The following LRP1B variants were observed in gnomAD, a reference collection of about 807,000 sequenced individuals.
LRP1B encodes the protein LDL receptor related protein 1B.
LRP1B carries 217 observed loss-of-function variants against 556.6 expected under a neutral mutation model. That is an observed-to-expected ratio of 0.39 (90% CI 0.35 to 0.44). The LOEUF is 0.44. LRP1B is among the 20% of genes least tolerant of loss of function. The probability of loss-of-function intolerance (pLI) is 1.00; values close to 1 mark genes in which losing one functional copy is unlikely to be tolerated. For synonymous variants in LRP1B, 2,047 were observed against 1,865.8 expected, an observed-to-expected ratio of 1.10 and a Z score of -2.50; for missense variants, 5,053 against 5,620.8, an observed-to-expected ratio of 0.90 and a Z score of 3.23.
chr2:142,040,008 A>G (rs1704010992), intron 1 of LRP1B, among the ~76,000 whole-genome samples: 1 of 151,478 alleles, frequency 6.6e-6, no homozygotes, highest in African/African-American at 2.4e-5. Context: ...TCAGGCTATT[A>G]TAATCCATTA....
chr2:140,400,234 C>T (rs1466638114), intron 66 of LRP1B, among the ~76,000 whole-genome samples: 1 of 152,182 alleles, frequency 6.6e-6, no homozygotes, highest in East Asian at 1.9e-4. Flanking sequence ...ATCTGGAAGT[C>T]CCCATCAGGC....
At chr2:141,059,643 T>G (rs1699283360) in intron 8 of LRP1B, among the ~76,000 whole-genome samples, 1 of 151,840 alleles carries the variant, frequency 6.6e-6, no homozygotes. Context: ...ACTCAGAAAT[T>G]TCATTATTTC....
chr2:140,263,639 A>G lies in LRP1B; in HGVS notation c.13247+6603T>C, dbSNP rs147162325. ...ATCGCTTGCAGTTTCTACCTTCCAC[A>G]AAACACTAGACAGAACAGAGTTCAG... is the stretch of plus-strand genomic sequence containing the variant. On this transcript the variant is annotated intron_variant, in intron 86 of 90. Transcript: ENST00000389484. Among the ~76,000 whole-genome samples, 353 of 152,202 alleles carry G rather than the reference A, an allele frequency of 2.3e-3. 9 individuals carry two copies. In the East Asian group the frequency reaches 0.056, roughly 24 times the overall value.
intron 2 of LRP1B, among the ~76,000 whole-genome samples, chr2:141,509,597 C>T (rs1478980408): frequency 6.6e-6 from 1 of 151,998 alleles, no homozygotes; most frequent in Non-Finnish European, 1.5e-5. Context: ...AAATGCCTTC[C>T]AAGTCAAACT....
intron 6 of LRP1B, among the ~76,000 whole-genome samples, chr2:141,212,248 GATTTTTTTTTTTTT>G (rs1682589735): frequency 4.1e-5 from 2 of 48,644 alleles, no homozygotes; most frequent in African/African-American, 1.6e-4. Flanking sequence ...AAAAAGTCTA[GATTTTTTTTTTTTT>G]TTTTTTTTTT....
At chr2:141,343,990 G>A (rs117201861) in intron 3 of LRP1B, among the ~76,000 whole-genome samples, 1 of 152,172 alleles carries the variant, frequency 6.6e-6, no homozygotes, top group East Asian at 1.9e-4. Flanking sequence ...CCATGCCACA[G>A]TCTGGAAGAT....
chr2:141,757,307 C>A (rs375291656), intron 2 of LRP1B, among the ~76,000 whole-genome samples: 13 of 152,264 alleles, frequency 8.5e-5, no homozygotes, highest in African/African-American at 3.1e-4. Context: ...CCTTGCTATT[C>A]TGACTGGTTC....
chr2:141,701,436 A>T (rs1034283748), intron 2 of LRP1B, among the ~76,000 whole-genome samples: 2 of 151,904 alleles, frequency 1.3e-5, no homozygotes, highest in Non-Finnish European at 1.5e-5. Flanking sequence ...CCCTTCTAGG[A>T]AATCATTCCA....
intron 67 of LRP1B, among the ~76,000 whole-genome samples, chr2:140,383,559 A>G (rs1003951269): frequency 2.6e-5 from 4 of 152,142 alleles, no homozygotes; most frequent in Non-Finnish European, 5.9e-5. Flanking sequence ...AGTATCTTCA[A>G]GCCCTATTCA....
intron 1 of LRP1B, among the ~76,000 whole-genome samples, chr2:141,974,261 G>A (rs908566057): frequency 1.5e-4 from 23 of 152,098 alleles, no homozygotes; most frequent in African/African-American, 5.5e-4. Context: ...TAGGATCTGA[G>A]ACCCTCTACT....
chr2:140,972,317 C>T (rs1256436987), intron 18 of LRP1B, among the ~76,000 whole-genome samples: 3 of 152,098 alleles, frequency 2.0e-5, no homozygotes, highest in Non-Finnish European at 4.4e-5. Flanking sequence ...AATAAATCTA[C>T]AGGACATAAG....
At chr2:140,953,969 C>T (rs1037175629) in intron 18 of LRP1B, among the ~76,000 whole-genome samples, 1 of 152,158 alleles carries the variant, frequency 6.6e-6, no homozygotes, top group Non-Finnish European at 1.5e-5. Flanking sequence ...TTTTAATCTC[C>T]TCATATTGTT....
chr2:140,730,263 T>C (rs950172087), intron 35 of LRP1B, among the ~76,000 whole-genome samples: 2 of 152,188 alleles, frequency 1.3e-5, no homozygotes, highest in African/African-American at 2.4e-5. Flanking sequence ...AATATAGCTG[T>C]AAGATGCAAA....
chr2:141,235,788 C>T (rs780536923), intron 5 of LRP1B, among the ~76,000 whole-genome samples: 6 of 152,046 alleles, frequency 3.9e-5, no homozygotes, highest in Non-Finnish European at 7.4e-5. Flanking sequence ...CCCTTTGATT[C>T]GGCTAATATT....
At chr2:141,944,175 C>A (rs926284231) in intron 1 of LRP1B, among the ~76,000 whole-genome samples, 27 of 152,262 alleles carry the variant, frequency 1.8e-4, no homozygotes, top group Admixed American at 1.6e-3. Context: ...GACGTTCATC[C>A]CAGCTGGGAG....
At chr2:140,932,651 T>C (rs1297172498) in intron 20 of LRP1B, among the ~76,000 whole-genome samples, 1 of 151,666 alleles carries the variant, frequency 6.6e-6, no homozygotes, top group Non-Finnish European at 1.5e-5. Context: ...AGTAGGAGGA[T>C]CACTTGAAGT....
intron 2 of LRP1B, among the ~76,000 whole-genome samples, chr2:141,605,069 T>TG (rs1687866600): frequency 1.3e-5 from 2 of 151,686 alleles, no homozygotes; most frequent in Non-Finnish European, 2.9e-5. Flanking sequence ...CAGCCAGAGG[T>TG]TCCTGGCTGG....
chr2:141,159,479 G>A lies in LRP1B; in HGVS notation c.1013+28942C>T, dbSNP rs181860897. Among the ~76,000 whole-genome samples the A allele has an allele frequency of 1.4e-3, 209 of 152,172 alleles. 6 individuals are homozygous for A. The highest frequency in any genetic ancestry group is 0.014 in the Admixed American group (208 of 15,266). ...AGCCCTGGGCTCAAGCAATCTTCCT[G>A]CCTTAGCCTCCTGAGTATCTGGGAC... On this transcript the variant is annotated intron_variant, in intron 7 of 90. Transcript: ENST00000389484.
chr2:141,066,415 G>C (rs781686050), intron 7 of LRP1B, among the ~76,000 whole-genome samples: 1 of 151,956 alleles, frequency 6.6e-6, no homozygotes, highest in Non-Finnish European at 1.5e-5. Flanking sequence ...GTCACAAAGG[G>C]AGCGCTCATG....
Sources: gnomAD v4.1 joint callset for allele counts (sites outside exome capture counted in the v4.1 genomes callset) on GRCh38, gnomAD v4.1.1 for gene constraint, MANE v1.5 for transcripts, NCBI Gene and HGNC (gene_info 2026-07-23, HGNC 2026-07-21) for gene names.